The following CEP112 variants were observed in gnomAD, a reference collection of about 807,000 sequenced individuals.
CEP112 encodes the protein centrosomal protein 112.
In CEP112, 127 loss-of-function variants were observed where a neutral mutation model predicts 153.0. The observed-to-expected ratio is 0.83, with a 90% CI of 0.72 to 0.96. The LOEUF (loss-of-function observed/expected upper bound fraction) is 0.96, where lower values mean the gene tolerates loss of function less well. Ranked by LOEUF, CEP112 falls within the 40% of genes least tolerant of loss-of-function variation. The pLI is 0.00. For synonymous variants in CEP112, 358 were observed against 374.4 expected, an observed-to-expected ratio of 0.96 and a Z score of 0.51; for missense variants, 1,089 against 1,101.2, an observed-to-expected ratio of 0.99 and a Z score of 0.16.
At chr17:65,919,519 T>G (rs990469672) in intron 19 of CEP112, among the ~76,000 whole-genome samples, 1 of 152,100 alleles carries the variant, frequency 6.6e-6, no homozygotes, top group Non-Finnish European at 1.5e-5. Flanking sequence ...ACTGAGAAAG[T>G]AGGCAAGAGT....
intron 18 of CEP112, among the ~76,000 whole-genome samples, chr17:65,937,434 G>A (rs1304377883): frequency 2.8e-5 from 3 of 106,632 alleles, no homozygotes; most frequent in African/African-American, 3.1e-5. Context: ...CCACCGCCCC[G>A]TCTGGGAGGT....
intron 17 of CEP112, among the ~76,000 whole-genome samples, chr17:65,976,073 A>G (rs768373750): frequency 1.3e-5 from 2 of 152,204 alleles, no homozygotes; most frequent in African/African-American, 4.8e-5. Flanking sequence ...CTTCACACAC[A>G]CTAATCACCA....
intron 9 of CEP112, among the ~76,000 whole-genome samples, chr17:66,067,299 A>G (rs2067159588): frequency 6.6e-6 from 1 of 152,184 alleles, no homozygotes; most frequent in Non-Finnish European, 1.5e-5. Context: ...TAGTGATTTA[A>G]GTGACTTTTT....
In CEP112 at chr17:66,004,810, C is replaced by T. The variant is rs1446887299; in HGVS notation, c.1736+880G>A. ...TATTCTTTTTGGCCTTTCTTTAAGT[C>T]ATTCTTATTTGCAGGTTTAGGGAAG... On this transcript the variant is annotated intron_variant, in intron 17 of 26. Coordinates refer to ENST00000535342, the MANE Select transcript of CEP112 (RefSeq NM_001199165.4). 2.0e-5 allele frequency among the ~76,000 whole-genome samples: 3 copies of T among 152,150 alleles called. No homozygotes were observed. The East Asian group carries it at 5.8e-4, about 29-fold the overall frequency.
intron 24 of CEP112, among the ~76,000 whole-genome samples, chr17:65,657,148 GT>G (rs1479277722): frequency 6.6e-6 from 1 of 152,144 alleles, no homozygotes; most frequent in Non-Finnish European, 1.5e-5. Flanking sequence ...TGCTTCTCCA[GT>G]TTACTCACTA....
At chr17:65,847,004 T>C (rs993457592) in intron 21 of CEP112, among the ~76,000 whole-genome samples, 2 of 152,200 alleles carry the variant, frequency 1.3e-5, no homozygotes, top group African/African-American at 2.4e-5. Context: ...ATATCAATCA[T>C]TGGAAATACA....
chr17:65,905,211 A>G (rs1324125229), intron 19 of CEP112, among the ~76,000 whole-genome samples: 1 of 152,216 alleles, frequency 6.6e-6, no homozygotes, highest in Non-Finnish European at 1.5e-5. Flanking sequence ...CTATCTGAGA[A>G]AGGGTTAATA....
intron 18 of CEP112, among the ~76,000 whole-genome samples, chr17:65,944,840 A>C (rs2061604030): frequency 6.6e-6 from 1 of 152,182 alleles, no homozygotes; most frequent in Non-Finnish European, 1.5e-5. Context: ...TCACCTCAAA[A>C]GTTCTGGGAT....
At chr17:65,680,462 C>T (rs994059800) in intron 24 of CEP112, among the ~76,000 whole-genome samples, 5 of 152,094 alleles carry the variant, frequency 3.3e-5, no homozygotes, top group African/African-American at 1.2e-4. Context: ...CTTCCTCCCT[C>T]CTTCTCTCCA....
At chr17:65,886,307 G>A (rs1356540272) in intron 20 of CEP112, among the ~76,000 whole-genome samples, 1 of 152,182 alleles carries the variant, frequency 6.6e-6, no homozygotes, top group Non-Finnish European at 1.5e-5. Flanking sequence ...TCAGTACACT[G>A]AGTAAGAAGT....
intron 25 of CEP112, among the ~76,000 whole-genome samples, chr17:65,639,993 A>T (rs902935513): frequency 2.0e-5 from 3 of 149,644 alleles, no homozygotes; most frequent in Non-Finnish European, 4.4e-5. Context: ...ATGCACCACC[A>T]TGCCTGGCTA....
chr17:66,039,867 A>G (rs1266324289), intron 12 of CEP112, among the ~76,000 whole-genome samples: 17 of 152,192 alleles, frequency 1.1e-4, no homozygotes, highest in Admixed American at 1.1e-3. Flanking sequence ...TTCTTCATGC[A>G]TATTATATGC....
chr17:65,970,809 G>C (rs199778722), intron 17 of CEP112, among the ~76,000 whole-genome samples: 1 of 43,696 alleles, frequency 2.3e-5, no homozygotes, highest in Non-Finnish European at 4.8e-5. Flanking sequence ...ACATGTGTAT[G>C]GCGCATGTAT....
At chr17:66,158,123 T>C (rs1236932611) in intron 4 of CEP112, among the ~76,000 whole-genome samples, 1 of 152,056 alleles carries the variant, frequency 6.6e-6, no homozygotes, top group Non-Finnish European at 1.5e-5. Flanking sequence ...TCTAAAATCG[T>C]CCACATAATT....
chr17:66,096,279 T>C lies in CEP112; in HGVS notation c.740A>G (p.His247Arg), dbSNP rs777274292. 1 of 1,613,164 alleles carries C rather than the reference T, an allele frequency of 6.2e-7. No homozygotes were observed. Among genetic ancestry groups the C allele is most frequent in the Non-Finnish European group, 8.5e-7 (1 of 1,179,510 alleles). ...LRKSSSFHDD[H>R]FLSRIREKEL... ...TTTCTCACGTATTCGAGAGAGAAAA[T>C]GATCATCATGGAAACTGCTGGATTT... The change falls in exon 8 of 27, where the codon CAT (histidine) becomes CGT (arginine). Residue 247 changes from histidine (H) to arginine (R), a missense_variant. Transcript: ENST00000535342.
chr17:65,815,395 C>T (rs1052565823), intron 21 of CEP112, among the ~76,000 whole-genome samples: 4 of 152,082 alleles, frequency 2.6e-5, no homozygotes, highest in African/African-American at 9.7e-5. Flanking sequence ...TTAATCTTTA[C>T]ACCAATACCA....
At chr17:65,895,851 A>C (rs577583162) in intron 20 of CEP112, among the ~76,000 whole-genome samples, 119 of 152,210 alleles carry the variant, frequency 7.8e-4, no homozygotes, top group Middle Eastern at 3.4e-3. Flanking sequence ...TAAAGGCTTC[A>C]TGTTGGCAGA....
rs1243283765 is a variant in CEP112 at position 65,743,152 on chromosome 17, A to T, written c.2523T>A (p.Ala841=). The stretch of plus-strand genomic sequence containing the variant: ...TAACATCCTGGAGCCGCCTTTCTGC[A>T]GCAAGCTGCTGCTGGCTGTTCTCTT... ...LKEENSQQQL[A]AERRLQDVRQ... is the part of the protein sequence containing the mutation. Residue 841 remains alanine (A), a synonymous_variant, in exon 23 of 27, where the codon GCT becomes GCA. Transcript: ENST00000535342. The T allele has an allele frequency of 6.2e-7, 1 of 1,613,390 alleles. No individual in the cohort carries two copies. Among genetic ancestry groups the T allele is most frequent in the South Asian group, 1.1e-5 (1 of 90,892 alleles).
intron 24 of CEP112, among the ~76,000 whole-genome samples, chr17:65,641,475 T>C (rs1249176174): frequency 1.3e-5 from 2 of 152,138 alleles, no homozygotes; most frequent in Non-Finnish European, 2.9e-5. Flanking sequence ...TTGATGAAAA[T>C]ACTCCTTGAG....
Sources: allele counts gnomAD v4.1 joint callset (sites outside exome capture counted in the v4.1 genomes callset), GRCh38; gene constraint gnomAD v4.1.1; transcripts MANE v1.5; gene names NCBI Gene and HGNC (gene_info 2026-07-23, HGNC 2026-07-21).